The following AK5 variants were observed in gnomAD, a reference collection of about 807,000 sequenced individuals.
AK5 encodes adenylate kinase 5.
AK5 carries 27 observed loss-of-function variants against 69.5 expected under a neutral mutation model. That is an observed-to-expected ratio of 0.39 (90% CI 0.29 to 0.54). The LOEUF is 0.54. AK5 is among the 20% of genes least tolerant of loss of function. AK5 has a pLI of 0.71. For synonymous variants in AK5, 260 were observed against 244.4 expected (o/e 1.06, Z -0.60); for missense variants, 531 against 700.4 (o/e 0.76, Z 2.73).
intron 8 of AK5, among the ~76,000 whole-genome samples, chr1:77,468,560 C>T (rs1170174492): frequency 6.6e-6 from 1 of 152,242 alleles, no homozygotes; most frequent in Non-Finnish European, 1.5e-5. Context: ...TAAGAGTTAA[C>T]TCTCATGCTT....
At chr1:77,422,331 T>C (rs1650870025) in intron 8 of AK5, among the ~76,000 whole-genome samples, 1 of 152,066 alleles carries the variant, frequency 6.6e-6, no homozygotes, top group African/African-American at 2.4e-5. Flanking sequence ...GCACACACAA[T>C]CATGGCATTC....
intron 8 of AK5, among the ~76,000 whole-genome samples, chr1:77,462,378 A>T (rs573926241): frequency 6.6e-6 from 1 of 152,258 alleles, no homozygotes; most frequent in East Asian, 1.9e-4. Flanking sequence ...GATGATTTAT[A>T]TGTGAGTCCT....
chr1:77,382,767 C>T (rs548288987), intron 6 of AK5, among the ~76,000 whole-genome samples: 1 of 152,294 alleles, frequency 6.6e-6, no homozygotes, highest in Admixed American at 6.5e-5. Flanking sequence ...AAAGAGTTAA[C>T]ATGGATACTA....
chr1:77,304,158 G>A lies in AK5; in HGVS notation c.699+6211G>A, dbSNP rs115112179. Among the ~76,000 whole-genome samples the A allele has an allele frequency of 5.3e-3, 802 of 151,820 alleles. 5 individuals are homozygous for A. Among genetic ancestry groups the A allele is most frequent in the African/African-American group, 0.018 (753 of 41,382 alleles). ...TCTGCCTCCACCCCCCGACACATCC[G>A]CAACCCCTTATTACCGACCCTTCCT... On this transcript the variant is annotated intron_variant, in intron 5 of 13. Transcript: ENST00000354567.
intron 6 of AK5, among the ~76,000 whole-genome samples, chr1:77,372,325 C>A (rs1395294910): frequency 6.6e-6 from 1 of 152,120 alleles, no homozygotes; most frequent in Non-Finnish European, 1.5e-5. Flanking sequence ...TTAACCCAAT[C>A]ATGATAATAA....
intron 6 of AK5, among the ~76,000 whole-genome samples, chr1:77,375,196 T>A (rs1647201816): frequency 6.6e-6 from 1 of 152,204 alleles, no homozygotes; most frequent in Non-Finnish European, 1.5e-5. Context: ...TCAAGCCAGG[T>A]CAGACCTTAC....
At chr1:77,506,522 C>G (rs1381119682) in intron 10 of AK5, among the ~76,000 whole-genome samples, 4 of 152,056 alleles carry the variant, frequency 2.6e-5, no homozygotes, top group African/African-American at 9.7e-5. Flanking sequence ...TCACCTGAGA[C>G]CTGAACCTTC....
intron 12 of AK5, chr1:77,532,008 G>GGCCGGCCC (rs1553161454): frequency 9.9e-5 from 15 of 151,582 alleles, no homozygotes; most frequent in East Asian, 2.0e-4. Context: ...CCGGCCGGCC[G>GGCCGGCCC]CTCCGAGTGC....
At chr1:77,298,815 G>T (rs889324860) in intron 5 of AK5, among the ~76,000 whole-genome samples, 2 of 152,072 alleles carry the variant, frequency 1.3e-5, no homozygotes, top group Non-Finnish European at 2.9e-5. Flanking sequence ...CAGCCTGGGT[G>T]ACACAGCAAG....
chr1:77,296,420 A>T (rs1659004732), intron 3 of AK5, among the ~76,000 whole-genome samples: 1 of 152,182 alleles, frequency 6.6e-6, no homozygotes, highest in East Asian at 1.9e-4. Context: ...TCATCCAACA[A>T]ATTAATGGCA....
Position 77,453,429 on chromosome 1 carries a change from C to A in AK5, c.1060-29888C>A, listed in dbSNP as rs559722471. Among the ~76,000 whole-genome samples the A allele has an allele frequency of 3.9e-5, 6 of 152,274 alleles. No homozygotes were observed. The East Asian group carries it at 1.2e-3, about 29-fold the overall frequency. ...CTGCAACTTAATTTGTTTGTTCAAT[C>A]TATGCTGATAATGTAACTTGGCTCC... On this transcript the variant is annotated intron_variant, in intron 8 of 13. Transcript: ENST00000354567.
intron 5 of AK5, among the ~76,000 whole-genome samples, chr1:77,333,370 C>G (rs987282230): frequency 2.0e-5 from 3 of 152,092 alleles, no homozygotes; most frequent in African/African-American, 7.2e-5. Context: ...TGTTTTTATC[C>G]AGTTCATATT....
chr1:77,520,596 G>T lies in AK5; in HGVS notation c.1312-1231G>T, dbSNP rs116669164. Among the ~76,000 whole-genome samples the T allele has an allele frequency of 2.1e-3, 313 of 152,240 alleles. 2 individuals carry two copies. The highest frequency in any genetic ancestry group is 3.7e-3 in the Non-Finnish European group (250 of 68,016). Reference sequence around the variant, plus strand: ...CAGCCTGATGCTCTCCCTTCATACAGTCACATAGTTTGGTCCTTGACTTCA... The same window carrying T: ...CAGCCTGATGCTCTCCCTTCATACATTCACATAGTTTGGTCCTTGACTTCA... On this transcript the variant is annotated intron_variant, in intron 11 of 13. Coordinates refer to ENST00000354567, the MANE Select transcript of AK5 (RefSeq NM_174858.3).
intron 6 of AK5, among the ~76,000 whole-genome samples, chr1:77,405,968 C>A (rs1557566535): frequency 6.6e-6 from 1 of 152,140 alleles, no homozygotes; most frequent in Non-Finnish European, 1.5e-5. Flanking sequence ...GCCTTAGTTT[C>A]CATTTTCTAG....
intron 6 of AK5, among the ~76,000 whole-genome samples, chr1:77,373,051 T>C (rs1647150347): frequency 6.6e-6 from 1 of 152,244 alleles, no homozygotes; most frequent in Non-Finnish European, 1.5e-5. Context: ...AATTATTTTT[T>C]TGGAATTGTG....
At chr1:77,383,192 T>C (rs1396414608) in intron 6 of AK5, among the ~76,000 whole-genome samples, 1 of 152,170 alleles carries the variant, frequency 6.6e-6, no homozygotes, top group Non-Finnish European at 1.5e-5. Context: ...AGTTTAAGCA[T>C]AAAATTACTC....
chr1:77,446,826 G>C (rs1328703122), intron 8 of AK5, among the ~76,000 whole-genome samples: 1 of 152,212 alleles, frequency 6.6e-6, no homozygotes, highest in East Asian at 1.9e-4. Context: ...TCCCAAGGCA[G>C]TATATTTCAG....
chr1:77,359,269 A>G (rs1321670194), intron 6 of AK5, among the ~76,000 whole-genome samples: 3 of 151,940 alleles, frequency 2.0e-5, no homozygotes, highest in Non-Finnish European at 4.4e-5. Flanking sequence ...AAAAAAAAGA[A>G]TTATAAAAGA....
chr1:77,421,986 A>G (rs915800637), intron 8 of AK5, among the ~76,000 whole-genome samples: 1 of 152,184 alleles, frequency 6.6e-6, no homozygotes, highest in African/African-American at 2.4e-5. Flanking sequence ...TCCCATGTGC[A>G]TCTTGAATTC....
Sources: gnomAD v4.1 joint callset for allele counts (sites outside exome capture counted in the v4.1 genomes callset) on GRCh38, gnomAD v4.1.1 for gene constraint, MANE v1.5 for transcripts, NCBI Gene and HGNC (gene_info 2026-07-23, HGNC 2026-07-21) for gene names.